Variants in EEIG2 observed in about 807,000 individuals in gnomAD.
The protein encoded by EEIG2 is family with sequence similarity 102 member B.
At chr1:108,596,898 G>C in the EEIG2 span, among the ~76,000 whole-genome samples, 1 of 151,784 alleles carries the variant, frequency 6.6e-6, no homozygotes, top group Non-Finnish European at 1.5e-5. Flanking sequence ...GCCACCATAA[G>C]TTGTAAATTT....
At chr1:108,591,868 T>C in the EEIG2 span, among the ~76,000 whole-genome samples, 2 of 151,892 alleles carry the variant, frequency 1.3e-5, no homozygotes, top group South Asian at 2.1e-4. Flanking sequence ...GAAAAAATCA[T>C]GAACAAAGGC....
the EEIG2 span, among the ~76,000 whole-genome samples, chr1:108,581,421 G>C: frequency 1.3e-5 from 2 of 152,176 alleles, no homozygotes; most frequent in Admixed American, 6.5e-5. Flanking sequence ...TGCTGCCTTA[G>C]ATAGTGATTC....
chr1:108,591,920 CA>C, the EEIG2 span, among the ~76,000 whole-genome samples: 1 of 151,964 alleles, frequency 6.6e-6, no homozygotes, highest in South Asian at 2.1e-4. Context: ...GAATGACAAA[CA>C]ATATAAGACA....
the EEIG2 span, among the ~76,000 whole-genome samples, chr1:108,564,806 A>T: frequency 2.6e-5 from 4 of 151,754 alleles, no homozygotes; most frequent in Admixed American, 2.0e-4. Context: ...AATTAGCTAG[A>T]TGTGGTGGTG....
the EEIG2 span, among the ~76,000 whole-genome samples, chr1:108,588,759 G>A: frequency 2.8e-5 from 4 of 143,478 alleles, no homozygotes; most frequent in African/African-American, 7.9e-5. Flanking sequence ...TGAGTTGTAT[G>A]AGTTTCTTAT....
chr1:108,631,010 C>T, the EEIG2 span: 3 of 198,402 alleles, frequency 1.5e-5, no homozygotes, highest in South Asian at 1.3e-4. Context: ...CCTACATCAA[C>T]GATTAACTAC....
chr1:108,580,401 A>G, the EEIG2 span, among the ~76,000 whole-genome samples: 1 of 152,198 alleles, frequency 6.6e-6, no homozygotes, highest in African/African-American at 2.4e-5. Context: ...GTTCAAGTGA[A>G]AGGAAGAGTT....
the EEIG2 span, among the ~76,000 whole-genome samples, chr1:108,632,298 G>C: frequency 6.6e-6 from 1 of 152,044 alleles, no homozygotes; most frequent in Non-Finnish European, 1.5e-5. Flanking sequence ...TCTGAGGAGA[G>C]GGGGTTGTGA....
At chr1:108,582,838 G>C in the EEIG2 span, among the ~76,000 whole-genome samples, 2 of 152,094 alleles carry the variant, frequency 1.3e-5, no homozygotes, top group Admixed American at 1.3e-4. Flanking sequence ...TAGCTGAGTG[G>C]GGGAGCAGAG....
the EEIG2 span, among the ~76,000 whole-genome samples, chr1:108,588,574 G>A: frequency 6.6e-6 from 1 of 152,040 alleles, no homozygotes; most frequent in African/African-American, 2.4e-5. Context: ...CATAATTTAT[G>A]AATACAATGT....
At chr1:108,586,673 A>C in the EEIG2 span, among the ~76,000 whole-genome samples, 1 of 152,110 alleles carries the variant, frequency 6.6e-6, no homozygotes, top group Admixed American at 6.6e-5. Context: ...GCCAGGGCAG[A>C]AAATAGTGAA....
the EEIG2 span, among the ~76,000 whole-genome samples, chr1:108,593,245 C>G: frequency 6.6e-6 from 1 of 152,226 alleles, no homozygotes; most frequent in Non-Finnish European, 1.5e-5. Context: ...CACCTTCCTT[C>G]TGGCTCTGCA....
chr1:108,600,345 G>A, the EEIG2 span, among the ~76,000 whole-genome samples: 39 of 152,206 alleles, frequency 2.6e-4, 1 homozygote, highest in Non-Finnish European at 3.8e-4. Flanking sequence ...GAATTGATAA[G>A]TAAATTCACT....
chr1:108,630,845 T>C, the EEIG2 span, among the ~76,000 whole-genome samples: 1 of 152,154 alleles, frequency 6.6e-6, no homozygotes, highest in Non-Finnish European at 1.5e-5. Flanking sequence ...CAGTTGCAGG[T>C]GGGTAGCTCC....
At chr1:108,613,078 TG>T in the EEIG2 span, among the ~76,000 whole-genome samples, 1 of 152,188 alleles carries the variant, frequency 6.6e-6, no homozygotes, top group Admixed American at 6.5e-5. Flanking sequence ...ATGCATAAAG[TG>T]GTTTTTGTAA....
the EEIG2 span, among the ~76,000 whole-genome samples, chr1:108,599,009 A>G: frequency 6.6e-6 from 1 of 152,058 alleles, no homozygotes; most frequent in Non-Finnish European, 1.5e-5. Flanking sequence ...TACCAAAAAT[A>G]CAAAACTTGG....
At chr1:108,582,611 G>A in the EEIG2 span, among the ~76,000 whole-genome samples, 3 of 152,060 alleles carry the variant, frequency 2.0e-5, no homozygotes, top group Admixed American at 6.6e-5. Flanking sequence ...TTTTATGTTT[G>A]TTATTACTAC....
the EEIG2 span, among the ~76,000 whole-genome samples, chr1:108,584,276 A>G: frequency 6.6e-6 from 1 of 152,168 alleles, no homozygotes. Flanking sequence ...GAAAATAGGG[A>G]TACAAATATT....
the EEIG2 span, among the ~76,000 whole-genome samples, chr1:108,633,843 A>G: frequency 1.3e-5 from 2 of 152,154 alleles, no homozygotes; most frequent in South Asian, 2.1e-4. Context: ...CTGATCTACA[A>G]ATTCTAGTCC....
Sources: gnomAD v4.1 joint callset for allele counts (sites outside exome capture counted in the v4.1 genomes callset) on GRCh38, gnomAD v4.1.1 for gene constraint, MANE v1.5 for transcripts, NCBI Gene and HGNC (gene_info 2026-07-23, HGNC 2026-07-21) for gene names.